ATL2: variants seen among roughly 807,000 people sequenced by gnomAD.
ATL2 encodes atlastin-2.
In ATL2, 31 loss-of-function variants were observed where a neutral mutation model predicts 73.9. The observed-to-expected ratio is 0.42, with a 90% confidence interval of 0.32 to 0.57. ATL2 has a LOEUF of 0.57. Ranked by LOEUF, ATL2 falls within the 20% of genes least tolerant of loss-of-function variation. The pLI, the probability that ATL2 is intolerant of heterozygous loss-of-function variation, is 0.14. For missense variants in ATL2, 738 were observed against 702.6 expected (o/e 1.05, Z -0.57); for synonymous variants, 291 against 237.5 (o/e 1.23, Z -2.07).
intron 2 of ATL2, among the ~76,000 whole-genome samples, chr2:38,340,810 GAAT>G (rs1370075536): frequency 2.0e-5 from 3 of 152,152 alleles, no homozygotes; most frequent in Non-Finnish European, 2.9e-5. Flanking sequence ...TTGATTGACA[GAAT>G]AAGGTGATTT....
chr2:38,305,826 A>G (rs1253025762), intron 9 of ATL2, among the ~76,000 whole-genome samples: 1 of 152,144 alleles, frequency 6.6e-6, no homozygotes, highest in African/African-American at 2.4e-5. Context: ...ACATCAAAAA[A>G]GAGGAAACAC....
chr2:38,347,767 CTTTTTTTT>C (rs1177228968), intron 1 of ATL2, among the ~76,000 whole-genome samples: 2 of 133,900 alleles, frequency 1.5e-5, no homozygotes, highest in East Asian at 4.4e-4. Context: ...CTGCCCTTAC[CTTTTTTTT>C]TTTTTTTTTT....
At chr2:38,301,022 G>C (rs1055978408) in intron 9 of ATL2, among the ~76,000 whole-genome samples, 1 of 148,726 alleles carries the variant, frequency 6.7e-6, no homozygotes, top group African/African-American at 2.6e-5. Flanking sequence ...CCAGGCTGGA[G>C]TGCAACGGCA....
intron 9 of ATL2, among the ~76,000 whole-genome samples, chr2:38,306,471 T>C (rs1333421627): frequency 1.3e-5 from 2 of 152,168 alleles, no homozygotes; most frequent in Non-Finnish European, 2.9e-5. Flanking sequence ...TGAACACTGT[T>C]GCAAAAATCC....
chr2:38,312,813 CTG>C (rs1288187383), intron 7 of ATL2, among the ~76,000 whole-genome samples: 1 of 151,912 alleles, frequency 6.6e-6, no homozygotes, highest in Non-Finnish European at 1.5e-5. Context: ...GCCTGTGGAA[CTG>C]TGAGTCAATT....
chr2:38,325,237 G>T (rs1052190366), intron 2 of ATL2, among the ~76,000 whole-genome samples: 1 of 152,138 alleles, frequency 6.6e-6, no homozygotes, highest in Non-Finnish European at 1.5e-5. Context: ...TTAGCAAACT[G>T]AAAAATCAAT....
intron 1 of ATL2, among the ~76,000 whole-genome samples, chr2:38,369,347 G>A (rs1287353653): frequency 1.3e-5 from 2 of 152,126 alleles, no homozygotes; most frequent in East Asian, 3.9e-4. Flanking sequence ...CTACTTGGGA[G>A]GCAGAGGCAC....
At chr2:38,319,631 G>C (rs908696103) in intron 2 of ATL2, among the ~76,000 whole-genome samples, 2 of 147,310 alleles carry the variant, frequency 1.4e-5, no homozygotes, top group African/African-American at 5.3e-5. Flanking sequence ...GAGAGAGAGA[G>C]AGACAGAGAA....
intron 1 of ATL2, among the ~76,000 whole-genome samples, chr2:38,354,398 A>T (rs1670541649): frequency 6.6e-6 from 1 of 152,202 alleles, no homozygotes. Flanking sequence ...TGTGGGGTTT[A>T]TAAAGTATGT....
intron 2 of ATL2, among the ~76,000 whole-genome samples, chr2:38,327,025 G>C (rs980624003): frequency 6.6e-6 from 1 of 151,126 alleles, no homozygotes; most frequent in East Asian, 1.9e-4. Context: ...CAAGCAGGAA[G>C]GAAATAGGGT....
Position 38,336,928 on chromosome 2 carries a change from G to A in ATL2, c.363+6340C>T, listed in dbSNP as rs147694191. The stretch of plus-strand genomic sequence containing the variant: ...TATGAAGTACTCTTGCCAAAAGAGC[G>A]TCAAACTTGAGTCTGATGAAGTCTC... On this transcript the variant is annotated intron_variant, in intron 2 of 12. Transcript: ENST00000378954. 9.1e-4 allele frequency among the ~76,000 whole-genome samples: 139 copies of A among 152,254 alleles called. 1 individual carries two copies. Among genetic ancestry groups the A allele is most frequent in the African/African-American group, 3.1e-3 (127 of 41,536 alleles).
chr2:38,318,473 G>GAA, intron 4 of ATL2, 62 bp downstream of exon 4: 122 of 1,127,274 alleles, frequency 1.1e-4, no homozygotes, highest in South Asian at 2.5e-4. Flanking sequence ...TCTCAAAAAA[G>GAA]AAAAAAAAAA....
chr2:38,346,421 C>G (rs900610173), intron 1 of ATL2, among the ~76,000 whole-genome samples: 1 of 152,096 alleles, frequency 6.6e-6, no homozygotes, highest in Non-Finnish European at 1.5e-5. Flanking sequence ...CCTACACATG[C>G]TCTATAAGGT....
At chr2:38,348,150 C>G (rs776690252) in intron 1 of ATL2, among the ~76,000 whole-genome samples, 1 of 151,904 alleles carries the variant, frequency 6.6e-6, no homozygotes, top group Non-Finnish European at 1.5e-5. Context: ...ATTAAGTATA[C>G]GTAACACAAA....
At chr2:38,349,100 T>C (rs1670193481) in intron 1 of ATL2, among the ~76,000 whole-genome samples, 1 of 151,504 alleles carries the variant, frequency 6.6e-6, no homozygotes, top group African/African-American at 2.4e-5. Flanking sequence ...TCAACCATTG[T>C]GGAAGTCAGT....
intron 1 of ATL2, among the ~76,000 whole-genome samples, chr2:38,360,552 G>A (rs991303561): frequency 4.6e-5 from 7 of 152,096 alleles, no homozygotes; most frequent in Non-Finnish European, 1.0e-4. Context: ...CAAAGTGCTG[G>A]GATTCCAGGA....
chr2:38,342,139 A>C (rs1669758894), intron 2 of ATL2, among the ~76,000 whole-genome samples: 1 of 151,550 alleles, frequency 6.6e-6, no homozygotes, highest in Non-Finnish European at 1.5e-5. Context: ...TTTTCAGGAG[A>C]GAAAGTCAGA....
chr2:38,375,738 C>G (rs553307338), intron 1 of ATL2, among the ~76,000 whole-genome samples: 68 of 152,320 alleles, frequency 4.5e-4, no homozygotes, highest in Non-Finnish European at 8.1e-4. Context: ...CAATTAATTA[C>G]TTAAGAAATC....
chr2:38,352,160 A>C (rs1010419613), intron 1 of ATL2, among the ~76,000 whole-genome samples: 5 of 144,936 alleles, frequency 3.4e-5, no homozygotes, highest in East Asian at 2.0e-4. Context: ...AAAAAAAAAA[A>C]CCACCATAAA....
Sources: gnomAD v4.1 joint callset for allele counts (sites outside exome capture counted in the v4.1 genomes callset) on GRCh38, gnomAD v4.1.1 for gene constraint, MANE v1.5 for transcripts, NCBI Gene and HGNC (gene_info 2026-07-23, HGNC 2026-07-21) for gene names.